The following AGAP1 variants were observed in gnomAD, a reference collection of about 807,000 sequenced individuals.
The protein encoded by AGAP1 is ArfGAP with GTPase domain, ankyrin repeat and PH domain 1, also known as arf-GAP with GTPase, ANK repeat and PH domain-containing protein 1.
Under a neutral mutation model 105.3 loss-of-function variants are expected in AGAP1, and 29 were observed. That is an observed-to-expected ratio of 0.28 (90% confidence interval 0.21 to 0.38). The LOEUF (loss-of-function observed/expected upper bound fraction) is 0.38, where lower values mean the gene tolerates loss of function less well. Among genes scored for constraint, AGAP1 ranks in the 10% least tolerant of loss-of-function variants. The pLI is 1.00. For missense variants in AGAP1, 998 were observed against 1,165.1 expected (o/e 0.86, Z 2.09); for synonymous variants, 509 against 485.9 (o/e 1.05, Z -0.63).
chr2:235,827,710 C>T (rs12472411), intron 9 of AGAP1, among the ~76,000 whole-genome samples: 100,460 of 152,034 alleles, frequency 0.66, 35,454 homozygotes, highest in East Asian at 0.97. Flanking sequence ...CGGCATTGAA[C>T]TACACTTCCA....
At chr2:235,509,947 G>A (rs1413529091) in intron 1 of AGAP1, among the ~76,000 whole-genome samples, 1 of 151,974 alleles carries the variant, frequency 6.6e-6, no homozygotes, top group Non-Finnish European at 1.5e-5. Flanking sequence ...GGCGGCATTA[G>A]ATTCTCATAA....
intron 1 of AGAP1, among the ~76,000 whole-genome samples, chr2:235,496,856 G>A (rs1295725450): frequency 6.6e-6 from 1 of 152,126 alleles, no homozygotes; most frequent in African/African-American, 2.4e-5. Flanking sequence ...TTCTTGGCCG[G>A]GATCCTTGTC....
At chr2:235,745,301 G>T (rs1952842035) in intron 5 of AGAP1, among the ~76,000 whole-genome samples, 1 of 152,132 alleles carries the variant, frequency 6.6e-6, no homozygotes, top group Non-Finnish European at 1.5e-5. Flanking sequence ...AGTTCTGTTT[G>T]TCACCGTCTT....
At chr2:235,912,041 A>C (rs1575761781) in intron 11 of AGAP1, among the ~76,000 whole-genome samples, 1 of 152,234 alleles carries the variant, frequency 6.6e-6, no homozygotes, top group East Asian at 1.9e-4. Flanking sequence ...GATCTCAGAT[A>C]GCAGCTCCCT....
rs1410090554 is a variant in AGAP1 at position 235,958,210 on chromosome 2, G to A, written c.1484-10252G>A. On this transcript the variant is annotated intron_variant, in intron 12 of 17. Transcript: ENST00000304032. This position sits in a 1 kb window ranked among gnomAD's most constrained non-coding sequence, Gnocchi z 4.1. Reference sequence around the variant, plus strand: ...GTTGCCTGCTCCTAGCAAATTCGTGGCGTGCCCCTCATCAAACTACGTCCC... The same window carrying A: ...GTTGCCTGCTCCTAGCAAATTCGTGACGTGCCCCTCATCAAACTACGTCCC... Among the ~76,000 whole-genome samples, 1 of 152,130 alleles carries A rather than the reference G, an allele frequency of 6.6e-6. No homozygotes were observed. Among genetic ancestry groups the A allele is most frequent in the East Asian group, 1.9e-4 (1 of 5,172 alleles).
intron 1 of AGAP1, among the ~76,000 whole-genome samples, chr2:235,676,095 G>A (rs1173047309): frequency 6.6e-6 from 1 of 152,146 alleles, no homozygotes; most frequent in Admixed American, 6.5e-5. Context: ...GCATTCACTA[G>A]GCAGTGGAAG....
chr2:236,012,936 G>A lies in AGAP1; in HGVS notation c.1646-23625G>A, dbSNP rs577191093. 2.0e-4 allele frequency among the ~76,000 whole-genome samples: 31 copies of A among 152,170 alleles called. No individual in the cohort carries two copies. The highest frequency in any genetic ancestry group is 4.2e-4 in the South Asian group (2 of 4,810). ...TAATTTTTGTATTTTTAGTAGAGACGGTGTTTTGCCATGTTGGCCAGGCTG... is the reference window on the plus strand; with the variant it reads ...TAATTTTTGTATTTTTAGTAGAGACAGTGTTTTGCCATGTTGGCCAGGCTG... On this transcript the variant is annotated intron_variant, in intron 13 of 17. Coordinates refer to ENST00000304032, the MANE Select transcript of AGAP1 (RefSeq NM_001037131.3). The surrounding 1 kb of genome is among the most constrained non-coding windows in gnomAD (Gnocchi z 4.9).
intron 16 of AGAP1, among the ~76,000 whole-genome samples, chr2:236,060,589 G>A (rs2125753781): frequency 6.6e-6 from 1 of 152,258 alleles, no homozygotes; most frequent in East Asian, 1.9e-4. Flanking sequence ...AAGCTACTCA[G>A]GCGGCTGAGG....
chr2:236,109,441 TATAG>T lies in AGAP1; in HGVS notation c.2115-10746_2115-10743del, dbSNP rs1191602146. Among the ~76,000 whole-genome samples, 1 of 152,104 alleles carries T rather than the reference TATAG, an allele frequency of 6.6e-6. No homozygotes were observed. The highest frequency in any genetic ancestry group is 2.4e-5 in the African/African-American group (1 of 41,416). On this transcript the variant is annotated intron_variant, in intron 16 of 17. Coordinates refer to ENST00000304032, the MANE Select transcript of AGAP1 (RefSeq NM_001037131.3). The surrounding 1 kb of genome is among the most constrained non-coding windows in gnomAD (Gnocchi z 5.4). ...ATTATAAATATTTATAATAATAAAT[TATAG>T]ATAGTTTTGATAGGGAAGAAGAGGA...
chr2:235,562,646 G>A (rs1347314102), intron 1 of AGAP1, among the ~76,000 whole-genome samples: 1 of 152,096 alleles, frequency 6.6e-6, no homozygotes, highest in African/African-American at 2.4e-5. Context: ...AAAACCCTCA[G>A]TCCTCTTTAA....
At chr2:235,512,051 GTGTGAATGCGTATGTGTGAA>G (rs1217959216) in intron 1 of AGAP1, among the ~76,000 whole-genome samples, 1 of 150,578 alleles carries the variant, frequency 6.6e-6, no homozygotes, top group Non-Finnish European at 1.5e-5. Flanking sequence ...ATGGATGTGT[GTGTGAATGCGTATGTGTGAA>G]TGTGAATGCG....
intron 3 of AGAP1, among the ~76,000 whole-genome samples, chr2:235,722,906 T>C (rs1196172859): frequency 6.7e-6 from 1 of 148,802 alleles, no homozygotes; most frequent in East Asian, 2.0e-4. Context: ...AAAAAAAAAA[T>C]TATACACACA....
At chr2:235,605,077 C>CA (rs1945882444) in intron 1 of AGAP1, among the ~76,000 whole-genome samples, 1 of 152,044 alleles carries the variant, frequency 6.6e-6, no homozygotes, top group South Asian at 2.1e-4. Context: ...TGGGTTTCAC[C>CA]ATGTTGGCCA....
intron 1 of AGAP1, among the ~76,000 whole-genome samples, chr2:235,693,397 C>T (rs547101959): frequency 3.9e-5 from 6 of 152,246 alleles, no homozygotes; most frequent in Admixed American, 2.6e-4. Flanking sequence ...CCTTGGGCCA[C>T]ACCACTCACT....
rs1048608099 is a variant in AGAP1, at chr2:235,716,628, C to T, written c.223-929C>T. ...GATCATGCTTAAATTTGATCACTAG[C>T]GATGTTCTAGTGGGGGAGGAAAAGG... On this transcript the variant is annotated intron_variant, in intron 2 of 17. Coordinates refer to ENST00000304032, the MANE Select transcript of AGAP1 (RefSeq NM_001037131.3). The surrounding 1 kb of genome is among the most constrained non-coding windows in gnomAD (Gnocchi z 4.0). Among the ~76,000 whole-genome samples the T allele has an allele frequency of 2.0e-5, 3 of 151,992 alleles. No homozygotes were observed. The highest frequency in any genetic ancestry group is 7.3e-5 in the African/African-American group (3 of 41,354).
chr2:235,969,876 G>A (rs78100518), intron 13 of AGAP1, among the ~76,000 whole-genome samples: 1 of 152,316 alleles, frequency 6.6e-6, no homozygotes, highest in African/African-American at 2.4e-5. Flanking sequence ...TTTGCCTCCT[G>A]TAAGCTTCCT....
intron 1 of AGAP1, among the ~76,000 whole-genome samples, chr2:235,592,451 C>G (rs1057349561): frequency 1.3e-5 from 2 of 152,094 alleles, no homozygotes; most frequent in African/African-American, 4.8e-5. Context: ...CACGAGAGGA[C>G]CCCGCTTTTC....
intron 11 of AGAP1, among the ~76,000 whole-genome samples, chr2:235,921,432 T>A (rs2052177685): frequency 6.6e-6 from 1 of 152,230 alleles, no homozygotes; most frequent in African/African-American, 2.4e-5. Context: ...TATTTGTATA[T>A]CTGTACTTTT....
Position 235,901,706 on chromosome 2 carries a change from C to A in AGAP1, c.1156-7032C>A, listed in dbSNP as rs1435352784. Among the ~76,000 whole-genome samples the A allele has an allele frequency of 6.6e-6, 1 of 152,088 alleles. No homozygotes were observed. Among genetic ancestry groups the A allele is most frequent in the East Asian group, 1.9e-4 (1 of 5,186 alleles). ...GACTAGTCTGGCCAACATGGTGAAA[C>A]CCCATCTCTACTAAAACTACAGAAA... On this transcript the variant is annotated intron_variant, in intron 10 of 17. Coordinates refer to ENST00000304032, the MANE Select transcript of AGAP1 (RefSeq NM_001037131.3). This position sits in a 1 kb window ranked among gnomAD's most constrained non-coding sequence, Gnocchi z 4.3.
Sources: allele counts gnomAD v4.1 joint callset (sites outside exome capture counted in the v4.1 genomes callset), GRCh38; gene constraint gnomAD v4.1.1; non-coding constraint Gnocchi (gnomAD v3.1); transcripts MANE v1.5; gene names NCBI Gene and HGNC (gene_info 2026-07-23, HGNC 2026-07-21).